USP32: variants seen among roughly 807,000 people sequenced by gnomAD.
USP32 encodes the protein ubiquitin specific peptidase 32.
A neutral mutation model predicts 204.8 loss-of-function variants in USP32; 59 were observed. That is an observed-to-expected ratio of 0.29 (90% CI 0.23 to 0.36). The LOEUF (loss-of-function observed/expected upper bound fraction) is 0.36, where lower values mean the gene tolerates loss of function less well. USP32 is among the 10% of genes least tolerant of loss of function. USP32 has a pLI of 1.00. For missense variants in USP32, 1,160 were observed against 1,946.4 expected, an observed-to-expected ratio of 0.60 and a Z score of 7.60; for synonymous variants, 517 against 678.4, an observed-to-expected ratio of 0.76 and a Z score of 3.70.
chr17:60,234,210 T>G (rs1291594069), intron 12 of USP32, among the ~76,000 whole-genome samples: 1 of 148,136 alleles, frequency 6.8e-6, no homozygotes, highest in Non-Finnish European at 1.5e-5. Context: ...GCCTCCCGGG[T>G]TCAAGCCTTT....
At chr17:60,400,747 G>A (rs2089928825) in intron 1 of USP32, among the ~76,000 whole-genome samples, 1 of 152,226 alleles carries the variant, frequency 6.6e-6, no homozygotes, top group Non-Finnish European at 1.5e-5. Context: ...CAAGATGGGT[G>A]CAGTGGCTCA....
In USP32 at chr17:60,262,179, T is replaced by TTATG. The variant is rs199592987; in HGVS notation, c.990+3229_990+3232dup. On this transcript the variant is annotated intron_variant, in intron 9 of 33. Transcript: ENST00000300896. Reference sequence around the variant, plus strand: ...GACTATATGGCTTATTTATTTTGTTTTATGTATGTATGTATGTATTTATTT... The same window carrying TTATG: ...GACTATATGGCTTATTTATTTTGTTTTATGTATGTATGTATGTATGTATTTATTT... 7.1e-3 allele frequency among the ~76,000 whole-genome samples: 1,075 copies of TTATG among 152,262 alleles called. 32 individuals are homozygous for TTATG. Among genetic ancestry groups the TTATG allele is most frequent in the Admixed American group, 0.048 (729 of 15,286 alleles).
chr17:60,232,763 T>G (rs559709060), intron 12 of USP32, among the ~76,000 whole-genome samples: 2 of 152,116 alleles, frequency 1.3e-5, no homozygotes, highest in Admixed American at 6.5e-5. Flanking sequence ...GGCAGGTTGG[T>G]GCTGAACTCC....
At chr17:60,316,706 T>G (rs2087988023) in intron 2 of USP32, among the ~76,000 whole-genome samples, 1 of 151,658 alleles carries the variant, frequency 6.6e-6, no homozygotes, top group South Asian at 2.1e-4. Flanking sequence ...TCGGGTGTGG[T>G]GGTGGGCGCC....
intron 1 of USP32, among the ~76,000 whole-genome samples, chr17:60,354,696 T>A (rs959770763): frequency 6.6e-6 from 1 of 151,928 alleles, no homozygotes; most frequent in Non-Finnish European, 1.5e-5. Context: ...CAACTAGCAA[T>A]TTTTTTTGCT....
chr17:60,364,472 C>G (rs1290707764), intron 1 of USP32, among the ~76,000 whole-genome samples: 1 of 152,174 alleles, frequency 6.6e-6, no homozygotes, highest in Non-Finnish European at 1.5e-5. Context: ...CTTTGCCTCC[C>G]AAGTTCAAGT....
chr17:60,230,950 T>C (rs1386351950), intron 12 of USP32, among the ~76,000 whole-genome samples: 2 of 152,228 alleles, frequency 1.3e-5, no homozygotes, highest in Non-Finnish European at 2.9e-5. Flanking sequence ...AGGATCATGT[T>C]TTGTTTTTAT....
At chr17:60,383,868 T>A (rs7225967) in intron 1 of USP32, among the ~76,000 whole-genome samples, 6,823 of 152,262 alleles carry the variant, frequency 0.045, 538 homozygotes, top group African/African-American at 0.15. Flanking sequence ...ACTACATTTT[T>A]AAAAATTAAT....
chr17:60,181,385 C>A lies in USP32; in HGVS notation c.4487G>T (p.Ser1496Ile). 1 of 1,613,964 alleles carries A rather than the reference C, an allele frequency of 6.2e-7. No individual in the cohort carries two copies. Among genetic ancestry groups the A allele is most frequent in the Non-Finnish European group, 8.5e-7 (1 of 1,179,878 alleles). ...GQLGNHSEEDSTDDQREDTRI... is the reference protein window; with the variant it reads ...GQLGNHSEEDITDDQREDTRI... The stretch of plus-strand genomic sequence containing the variant: ...AGTATCTTCTCTTTGGTCATCAGTG[C>A]TGTCTTCTTCACTGTGGTTTCCAAG... Residue 1496 changes from serine (S) to isoleucine (I), a missense_variant, in exon 32 of 34, where the codon AGC becomes ATC. Around this residue, in one of 8 missense-constraint regions of USP32, gnomAD observed 244 missense variants for 342.3 expected, o/e 0.71. Transcript: ENST00000300896.
intron 1 of USP32, among the ~76,000 whole-genome samples, chr17:60,362,444 A>G (rs1330976005): frequency 6.6e-6 from 1 of 152,246 alleles, no homozygotes; most frequent in East Asian, 1.9e-4. Flanking sequence ...CCACTATAAA[A>G]TTAACAATTT....
At chr17:60,227,225 T>A (rs4536529) in intron 12 of USP32, among the ~76,000 whole-genome samples, 3 of 151,652 alleles carry the variant, frequency 2.0e-5, no homozygotes, top group Admixed American at 6.6e-5. Flanking sequence ...ATAATATTAT[T>A]GCCTTCTATT....
chr17:60,267,275 C>T (rs1306158566), intron 7 of USP32, among the ~76,000 whole-genome samples: 2 of 151,514 alleles, frequency 1.3e-5, no homozygotes, highest in African/African-American at 2.4e-5. Context: ...GGCGTAGTGG[C>T]GGGCGCCTGT....
At position 60,205,675 on chromosome 17, in the gene USP32, A is replaced by C. The variant is rs902291678; in HGVS notation, c.3038-17T>G. ...AGGAGAAATCTACAAATTCAAAGAT[A>C]AGTACAGTATCATAAGCTTGTGGTA... On this transcript the variant is annotated splice_polypyrimidine_tract_variant and intron_variant, in intron 25 of 33. Transcript: ENST00000300896. 9.9e-6 allele frequency: 16 copies of C among 1,613,488 alleles called. No homozygotes were observed. The highest frequency in any genetic ancestry group is 7.6e-6 in the Non-Finnish European group (9 of 1,179,592).
intron 1 of USP32, among the ~76,000 whole-genome samples, chr17:60,355,845 AAGAG>A (rs1269398067): frequency 7.1e-6 from 1 of 140,924 alleles, no homozygotes; most frequent in Non-Finnish European, 1.5e-5. Flanking sequence ...AAAAAAAAAA[AAGAG>A]AGAGAAAGAA....
At chr17:60,277,846 A>G (rs1024496153) in intron 5 of USP32, among the ~76,000 whole-genome samples, 2 of 151,872 alleles carry the variant, frequency 1.3e-5, no homozygotes, top group African/African-American at 4.8e-5. Context: ...GAATAGATAT[A>G]TGTTTTCTTC....
intron 1 of USP32, among the ~76,000 whole-genome samples, chr17:60,347,898 G>A (rs997870408): frequency 5.0e-4 from 76 of 151,482 alleles, no homozygotes; most frequent in South Asian, 8.3e-4. Context: ...TGAGGCGGGC[G>A]GATCACGAGG....
chr17:60,283,894 T>A (rs2087037290), intron 5 of USP32, among the ~76,000 whole-genome samples: 1 of 152,162 alleles, frequency 6.6e-6, no homozygotes, highest in Non-Finnish European at 1.5e-5. Context: ...GCAAAGAATG[T>A]ACATCATCCG....
intron 4 of USP32, 101 bp downstream of exon 4, chr17:60,294,582 C>G (rs748794134): frequency 2.9e-5 from 18 of 631,372 alleles, no homozygotes; most frequent in Non-Finnish European, 4.5e-5. Context: ...CAAGAGTAAT[C>G]TGCACATAAA....
chr17:60,400,056 C>T (rs377156228), intron 1 of USP32, among the ~76,000 whole-genome samples: 3 of 150,172 alleles, frequency 2.0e-5, no homozygotes, highest in African/African-American at 7.3e-5. Context: ...CCTCCACCTC[C>T]CAGGTTCAAG....
Sources: gnomAD v4.1 joint callset for allele counts (sites outside exome capture counted in the v4.1 genomes callset) on GRCh38, gnomAD v4.1.1 for gene constraint, gnomAD v4.1.1 regional missense constraint, MANE v1.5 for transcripts, NCBI Gene and HGNC (gene_info 2026-07-23, HGNC 2026-07-21) for gene names.